AUTS2: variants seen among roughly 807,000 people sequenced by gnomAD.
The protein encoded by AUTS2 is autism susceptibility gene 2 protein.
AUTS2 carries 17 observed loss-of-function variants against 112.4 expected under a neutral mutation model. The ratio of observed to expected loss-of-function variants is 0.15; its 90% confidence interval spans 0.10 to 0.23. The LOEUF (loss-of-function observed/expected upper bound fraction) is 0.23, where lower values mean the gene tolerates loss of function less well. Ranked by LOEUF, AUTS2 falls within the 10% of genes least tolerant of loss-of-function variation. The pLI, the probability that AUTS2 is intolerant of heterozygous loss-of-function variation, is 1.00. For missense variants in AUTS2, 1,510 were observed against 1,701.6 expected (o/e 0.89, Z 1.98); for synonymous variants, 751 against 702.7 (o/e 1.07, Z -1.09).
At chr7:69,871,338 C>T (rs750131910) in intron 1 of AUTS2, among the ~76,000 whole-genome samples, 3 of 152,174 alleles carry the variant, frequency 2.0e-5, no homozygotes, top group Non-Finnish European at 4.4e-5. Flanking sequence ...TGTCTTTCCT[C>T]TGGCTTCGTC....
At chr7:69,969,019 A>G (rs1043943703) in intron 2 of AUTS2, among the ~76,000 whole-genome samples, 2 of 152,130 alleles carry the variant, frequency 1.3e-5, no homozygotes, top group Non-Finnish European at 2.9e-5. Context: ...TTATCTATTC[A>G]TGCACAGGAT....
chr7:69,770,338 A>T (rs1788607304), intron 1 of AUTS2, among the ~76,000 whole-genome samples: 1 of 152,206 alleles, frequency 6.6e-6, no homozygotes, highest in South Asian at 2.1e-4. Context: ...AAATGCGTAT[A>T]ATGTGTGTGA....
At chr7:70,268,022 C>G (rs1787517444) in intron 4 of AUTS2, among the ~76,000 whole-genome samples, 1 of 152,088 alleles carries the variant, frequency 6.6e-6, no homozygotes, top group Non-Finnish European at 1.5e-5. Flanking sequence ...TGATGTGCTC[C>G]CATAAGAAAT....
chr7:69,982,389 G>T (rs1488298875), intron 2 of AUTS2, among the ~76,000 whole-genome samples: 1 of 152,090 alleles, frequency 6.6e-6, no homozygotes, highest in African/African-American at 2.4e-5. Context: ...GTCTAAGAAA[G>T]ATTAAAAGAA....
intron 1 of AUTS2, among the ~76,000 whole-genome samples, chr7:69,678,923 G>C (rs993832114): frequency 1.3e-5 from 2 of 152,186 alleles, no homozygotes; most frequent in Admixed American, 6.5e-5. Flanking sequence ...TGCACGTTTT[G>C]CTGTAGAATT....
At chr7:70,330,218 A>G (rs1051667558) in intron 4 of AUTS2, among the ~76,000 whole-genome samples, 2 of 152,162 alleles carry the variant, frequency 1.3e-5, no homozygotes, top group African/African-American at 2.4e-5. Flanking sequence ...GATCATGAAG[A>G]TTTACCACTT....
intron 1 of AUTS2, among the ~76,000 whole-genome samples, chr7:69,689,676 ATTTATTTATTTATTTATTTG>A (rs1797238144): frequency 1.4e-5 from 1 of 72,076 alleles, no homozygotes; most frequent in Non-Finnish European, 2.6e-5. Context: ...TTATTTATTT[ATTTATTTATTTATTTATTTG>A]AGACAGAGTC....
At chr7:70,047,707 T>G (rs1801569487) in intron 2 of AUTS2, among the ~76,000 whole-genome samples, 1 of 152,148 alleles carries the variant, frequency 6.6e-6, no homozygotes, top group Non-Finnish European at 1.5e-5. Context: ...TGTAAGAAAC[T>G]TTGCAGTATC....
rs77009022 is a variant in AUTS2, at chr7:70,096,116, A to G, written c.523-22016A>G. Reference sequence around the variant, plus strand: ...CTCTGAGACAAAGTTTCACATCAGCAAAATGGGAATAGTTGTACTAGTTCA... The same window carrying G: ...CTCTGAGACAAAGTTTCACATCAGCGAAATGGGAATAGTTGTACTAGTTCA... On this transcript the variant is annotated intron_variant, in intron 2 of 18. Transcript: ENST00000342771. 2.9e-3 allele frequency among the ~76,000 whole-genome samples: 444 copies of G among 152,298 alleles called. 4 individuals are homozygous for G. The highest frequency in any genetic ancestry group is 0.01 in the African/African-American group (430 of 41,562).
intron 1 of AUTS2, among the ~76,000 whole-genome samples, chr7:69,897,990 T>C (rs546073990): frequency 6.6e-6 from 1 of 152,354 alleles, no homozygotes; most frequent in African/African-American, 2.4e-5. Context: ...TTTGGTTTTG[T>C]TTTATTTTTA....
chr7:69,850,763 G>A (rs575040673), intron 1 of AUTS2, among the ~76,000 whole-genome samples: 5 of 152,268 alleles, frequency 3.3e-5, no homozygotes, highest in Admixed American at 1.3e-4. Flanking sequence ...CTTGTCTGAT[G>A]TATGGTTTGC....
chr7:69,796,540 A>G (rs541014451), intron 1 of AUTS2, among the ~76,000 whole-genome samples: 1 of 151,200 alleles, frequency 6.6e-6, no homozygotes, highest in Admixed American at 6.6e-5. Flanking sequence ...AAAAAAAAAG[A>G]AAAGAAAATA....
rs192018488 is a variant in AUTS2, at chr7:70,649,384, A to G, written c.691-49185A>G. ...CCCTGCACTCTGGCCTGGCAGAGTG[A>G]GACCCTGTCTCAAAAAAAATAAAAA... On this transcript the variant is annotated intron_variant, in intron 5 of 18. Coordinates refer to ENST00000342771, the MANE Select transcript of AUTS2 (RefSeq NM_015570.4). Among the ~76,000 whole-genome samples, 25 of 152,298 alleles carry G rather than the reference A, an allele frequency of 1.6e-4. No individual in the cohort carries two copies. The East Asian group carries it at 4.4e-3, about 27-fold the overall frequency.
intron 5 of AUTS2, among the ~76,000 whole-genome samples, chr7:70,610,483 T>C (rs1014690797): frequency 7.7e-6 from 1 of 129,530 alleles, no homozygotes; most frequent in African/African-American, 2.9e-5. Context: ...TTGCCCAGGC[T>C]AGAAGGCAGT....
At chr7:70,739,001 GC>G (rs1284551528) in intron 6 of AUTS2, among the ~76,000 whole-genome samples, 4 of 68,668 alleles carry the variant, frequency 5.8e-5, no homozygotes, top group Admixed American at 5.0e-4. Context: ...AGGTTTTGAG[GC>G]CTTTTTTTTT....
intron 5 of AUTS2, among the ~76,000 whole-genome samples, chr7:70,566,150 C>G (rs947330452): frequency 6.6e-5 from 10 of 152,242 alleles, no homozygotes; most frequent in Non-Finnish European, 1.3e-4. Context: ...ATAGCACTTT[C>G]ACTCTAATTC....
chr7:70,785,128 C>A, intron 16 of AUTS2, 109 bp downstream of exon 16: 3 of 1,110,888 alleles, frequency 2.7e-6, no homozygotes, highest in Admixed American at 1.9e-5. Context: ...TCCCAGATAC[C>A]CTGCTTACCA....
chr7:69,926,015 A>G (rs1245315736), intron 2 of AUTS2, among the ~76,000 whole-genome samples: 1 of 152,190 alleles, frequency 6.6e-6, no homozygotes, highest in Non-Finnish European at 1.5e-5. Flanking sequence ...CACACCTAGA[A>G]ACAACATTGC....
chr7:69,614,728 C>T (rs13232642), intron 1 of AUTS2, among the ~76,000 whole-genome samples: 1 of 152,056 alleles, frequency 6.6e-6, no homozygotes, highest in South Asian at 2.1e-4. Flanking sequence ...AAGTGCTTCT[C>T]CTGCCTTCAC....
Sources: gnomAD v4.1 joint callset for allele counts (sites outside exome capture counted in the v4.1 genomes callset) on GRCh38, gnomAD v4.1.1 for gene constraint, MANE v1.5 for transcripts, NCBI Gene and HGNC (gene_info 2026-07-23, HGNC 2026-07-21) for gene names.